The following RASGEF1B variants were observed in gnomAD, a reference collection of about 807,000 sequenced individuals.
RASGEF1B encodes ras-GEF domain-containing family member 1B.
RASGEF1B carries 30 observed loss-of-function variants against 65.7 expected under a neutral mutation model. The ratio of observed to expected loss-of-function variants is 0.46; its 90% confidence interval spans 0.34 to 0.62. The LOEUF (loss-of-function observed/expected upper bound fraction) is 0.62, where lower values mean the gene tolerates loss of function less well. Among genes scored for constraint, RASGEF1B ranks in the 20% least tolerant of loss-of-function variants. The probability of loss-of-function intolerance (pLI) is 0.01; values close to 1 mark genes in which losing one functional copy is unlikely to be tolerated. For synonymous variants in RASGEF1B, 175 were observed against 194.8 expected (o/e 0.90, Z 0.85); for missense variants, 495 against 580.1 (o/e 0.85, Z 1.51).
At chr4:81,458,441 T>C (rs1722527190) in intron 2 of RASGEF1B, among the ~76,000 whole-genome samples, 1 of 152,164 alleles carries the variant, frequency 6.6e-6, no homozygotes, top group Non-Finnish European at 1.5e-5. Context: ...CATGTAACAA[T>C]ACACAGAGAG....
intron 13 of RASGEF1B, among the ~76,000 whole-genome samples, chr4:81,430,170 G>A (rs59979939): frequency 6.6e-6 from 1 of 152,048 alleles, no homozygotes; most frequent in Non-Finnish European, 1.5e-5. Flanking sequence ...GCGTGGTGGC[G>A]GGCGCCTGTA....
chr4:81,433,388 T>A (rs905515556), intron 12 of RASGEF1B, among the ~76,000 whole-genome samples: 2 of 152,198 alleles, frequency 1.3e-5, no homozygotes, highest in African/African-American at 4.8e-5. Context: ...TTTCTGTATC[T>A]AATCTCTTTT....
Position 81,432,301 on chromosome 4 carries a change from T to A in RASGEF1B, c.1395A>T (p.Leu465Phe), listed in dbSNP as rs900650163. 6.2e-7 allele frequency: 1 copy of A among 1,600,056 alleles called. No homozygotes were observed. The highest frequency in any genetic ancestry group is 8.6e-7 in the Non-Finnish European group (1 of 1,167,882). Reference protein sequence around the residue: ...NHIEKDRWKSLRSSLLGRV With the variant: ...NHIEKDRWKSFRSSLLGRV ...GCAATGAGAAGAATGAGACCCACCT[T>A]AAAGACTTCCATCTGTCTTTCTCTA... The change falls in exon 13 of 14, where the codon TTA (leucine) becomes TTT (phenylalanine). Residue 465 changes from leucine (L) to phenylalanine (F), a missense_variant and splice_region_variant. Transcript: ENST00000264400.
At chr4:81,457,684 T>A in intron 2 of RASGEF1B, 63 bp from the exon 3 acceptor site, 5 of 1,568,154 alleles carry the variant, frequency 3.2e-6, no homozygotes, top group Non-Finnish European at 4.3e-6. Flanking sequence ...CTTGCCTTTA[T>A]ACTATGTCTT....
Position 81,466,770 on chromosome 4 carries a change from AAAAGAAAG to A in RASGEF1B, c.-7+4992_-7+4999del, listed in dbSNP as rs1553947087. On this transcript the variant is annotated intron_variant, in intron 1 of 13. Coordinates refer to ENST00000264400, the MANE Select transcript of RASGEF1B (RefSeq NM_152545.3). ...CAAGCCTCCATGTCAAAAAAAAAAA[AAAAGAAAG>A]AAAGAAAGAAAGAAAGAAAGAAAGA... Among the ~76,000 whole-genome samples, 204 of 36,094 alleles carry A rather than the reference AAAAGAAAG, an allele frequency of 5.7e-3. 1 individual carries two copies. The highest frequency in any genetic ancestry group is 0.013 in the South Asian group (12 of 928). The allele number at this position is 36,094 out of a possible 152,430, so 23.7% of individuals were successfully genotyped here. A position where few individuals can be genotyped will look rare whatever the true frequency, so the allele number is the denominator to read the frequency against.
chr4:81,468,247 A>C (rs1419309803), intron 1 of RASGEF1B, among the ~76,000 whole-genome samples: 1 of 152,214 alleles, frequency 6.6e-6, no homozygotes, highest in Non-Finnish European at 1.5e-5. Flanking sequence ...ATGTTTATTA[A>C]AAAGTAGAGT....
At chr4:81,456,307 C>T in intron 4 of RASGEF1B, 4 of 584,488 alleles carry the variant, frequency 6.8e-6, no homozygotes, top group Non-Finnish European at 9.0e-6. Context: ...TGTCTACTAA[C>T]ATGCCATTTA....
At chr4:81,432,829 T>G (rs958990959) in intron 12 of RASGEF1B, among the ~76,000 whole-genome samples, 3 of 152,120 alleles carry the variant, frequency 2.0e-5, no homozygotes, top group Non-Finnish European at 2.9e-5. Flanking sequence ...TCTTCCTTTT[T>G]AAATCAGAAA....
Position 81,448,179 on chromosome 4 carries a change from T to A in RASGEF1B, c.544A>T (p.Thr182Ser). 6.2e-7 allele frequency: 1 copy of A among 1,614,122 alleles called. No homozygotes were observed. Among genetic ancestry groups the A allele is most frequent in the East Asian group, 2.2e-5 (1 of 44,880 alleles). The change falls in exon 5 of 14, where the codon ACA becomes TCA. Residue 182 changes from threonine (T) to serine (S), a missense_variant. Coordinates refer to ENST00000264400, the MANE Select transcript of RASGEF1B (RefSeq NM_152545.3). ...EVLAKISSTS[T>S]DRLTVLKTKP... ...GTCTTGAGAACTGTGAGCCGATCTGTGGATGTGGAGCTGATTTTTGCCAGG... is the reference window on the plus strand; with the variant it reads ...GTCTTGAGAACTGTGAGCCGATCTGAGGATGTGGAGCTGATTTTTGCCAGG...
chr4:81,467,166 G>A (rs994777256), intron 1 of RASGEF1B, among the ~76,000 whole-genome samples: 16 of 152,000 alleles, frequency 1.1e-4, no homozygotes, highest in African/African-American at 3.1e-4. Context: ...TATTTCTCTC[G>A]CAATGAAACA....
At position 81,432,376 on chromosome 4, in the gene RASGEF1B, A is replaced by G; in HGVS notation, c.1325-5T>C. The G allele has an allele frequency of 1.9e-6, 3 of 1,589,646 alleles. No homozygotes were observed. Among genetic ancestry groups the G allele is most frequent in the Non-Finnish European group, 2.6e-6 (3 of 1,158,862 alleles). ...CATAAGAAGCCAAGTAGAGAGCTAC[A>G]ATCAAACAAAAGAAAGTGCATTAAC... On this transcript the variant is annotated splice_polypyrimidine_tract_variant and splice_region_variant and intron_variant, in intron 12 of 13. Transcript: ENST00000264400.
At chr4:81,466,462 T>C (rs1460127298) in intron 1 of RASGEF1B, among the ~76,000 whole-genome samples, 4 of 152,048 alleles carry the variant, frequency 2.6e-5, no homozygotes, top group Admixed American at 6.6e-5. Context: ...TATTTTAAAT[T>C]TGAAAACGTC....
chr4:81,467,445 C>A (rs753682527), intron 1 of RASGEF1B, among the ~76,000 whole-genome samples: 1 of 152,150 alleles, frequency 6.6e-6, no homozygotes, highest in Non-Finnish European at 1.5e-5. Flanking sequence ...AATTAAAACT[C>A]TTCTATGAAA....
chr4:81,448,321 G>A lies in RASGEF1B; in HGVS notation c.439-37C>T, dbSNP rs140857254. ...GCGAAGAATTACATCCGTACTCTGC[G>A]TGTCTGGTTTTGCCACTAGGCAAAC... is the stretch of plus-strand genomic sequence containing the variant. On this transcript the variant is annotated intron_variant, in intron 4 of 13. Transcript: ENST00000264400. 1.6e-4 allele frequency: 252 copies of A among 1,569,012 alleles called. No individual in the cohort carries two copies. The East Asian group carries it at 4.8e-3, about 30-fold the overall frequency.
chr4:81,442,665 C>T (rs1317637263), intron 8 of RASGEF1B, among the ~76,000 whole-genome samples: 1 of 152,228 alleles, frequency 6.6e-6, no homozygotes, highest in Non-Finnish European at 1.5e-5. Context: ...CACTACAAGA[C>T]ACTATCACTG....
intron 11 of RASGEF1B, 92 bp downstream of exon 11, chr4:81,434,547 T>C (rs570350146): frequency 1.5e-5 from 11 of 748,946 alleles, no homozygotes; most frequent in Non-Finnish European, 1.9e-5. Flanking sequence ...AACTGCAGAA[T>C]TGGCTTTGGC....
intron 1 of RASGEF1B, among the ~76,000 whole-genome samples, chr4:81,469,848 C>T (rs1228624905): frequency 6.6e-6 from 1 of 152,050 alleles, no homozygotes; most frequent in Non-Finnish European, 1.5e-5. Flanking sequence ...TGAAAATGCA[C>T]CATAGGAGAA....
chr4:81,445,655 A>C (rs1306667831), intron 7 of RASGEF1B, 27 bp from the exon 8 acceptor site: 2 of 1,587,700 alleles, frequency 1.3e-6, no homozygotes, highest in Admixed American at 3.3e-5. Context: ...AATAGAGGGC[A>C]GTTATCCAGT....
At chr4:81,432,028 T>A (rs1721447887) in intron 13 of RASGEF1B, among the ~76,000 whole-genome samples, 1 of 152,186 alleles carries the variant, frequency 6.6e-6, no homozygotes, top group Non-Finnish European at 1.5e-5. Flanking sequence ...GCATTTTTTT[T>A]AACATACTAT....
Sources: allele counts gnomAD v4.1 joint callset (sites outside exome capture counted in the v4.1 genomes callset), GRCh38; gene constraint gnomAD v4.1.1; transcripts MANE v1.5; gene names NCBI Gene and HGNC (gene_info 2026-07-23, HGNC 2026-07-21).